The following ANXA13 variants were observed in gnomAD, a reference collection of about 807,000 sequenced individuals.
ANXA13 encodes annexin A13.
ANXA13 carries 36 observed loss-of-function variants against 46.6 expected under a neutral mutation model. The ratio of observed to expected loss-of-function variants is 0.77; its 90% CI spans 0.59 to 1.02. The LOEUF (loss-of-function observed/expected upper bound fraction) is 1.02. Among genes scored for constraint, ANXA13 ranks in the 50% least tolerant of loss-of-function variants. The pLI is 0.00. For missense variants in ANXA13, 417 were observed against 396.5 expected, an observed-to-expected ratio of 1.05 and a Z score of -0.44; for synonymous variants, 163 against 152.9, an observed-to-expected ratio of 1.07 and a Z score of -0.49.
At chr8:123,730,511 G>A (rs1418023902) in intron 1 of ANXA13, among the ~76,000 whole-genome samples, 3 of 152,062 alleles carry the variant, frequency 2.0e-5, no homozygotes, top group Admixed American at 6.5e-5. Flanking sequence ...CCTTAGTGTC[G>A]TAGGTTGAAC....
At chr8:123,713,071 A>G (rs903714002) in intron 1 of ANXA13, among the ~76,000 whole-genome samples, 1 of 152,224 alleles carries the variant, frequency 6.6e-6, no homozygotes, top group Non-Finnish European at 1.5e-5. Flanking sequence ...TGAAACAAAG[A>G]ATAATACTGT....
At chr8:123,696,087 T>C (rs10086861) in intron 4 of ANXA13, among the ~76,000 whole-genome samples, 21,796 of 152,132 alleles carry the variant, frequency 0.14, 2,464 homozygotes, top group African/African-American at 0.32. Flanking sequence ...GTTCAGTGCG[T>C]ATCAGAAAGA....
chr8:123,715,357 G>A (rs1293175686), intron 1 of ANXA13, among the ~76,000 whole-genome samples: 1 of 152,206 alleles, frequency 6.6e-6, no homozygotes, highest in East Asian at 1.9e-4. Flanking sequence ...TGTGGAAGTG[G>A]CAACTTCGAA....
chr8:123,693,878 T>G, intron 6 of ANXA13, 99 bp from the exon 7 acceptor site: 2 of 1,076,270 alleles, frequency 1.9e-6, no homozygotes, highest in Non-Finnish European at 2.8e-6. Context: ...AGGTGAATTC[T>G]TTCTCAGCTC....
At chr8:123,727,102 G>A (rs866041276) in intron 1 of ANXA13, among the ~76,000 whole-genome samples, 2 of 152,176 alleles carry the variant, frequency 1.3e-5, no homozygotes, top group East Asian at 1.9e-4. Context: ...AGGGTTCAGT[G>A]TATACTGCTC....
chr8:123,693,347 TGA>T, intron 7 of ANXA13, 49 bp from the exon 8 acceptor site: 1 of 1,547,568 alleles, frequency 6.5e-7, no homozygotes, highest in Non-Finnish European at 8.9e-7. Flanking sequence ...GTGAAAAGAC[TGA>T]TTATGCAGTG....
At chr8:123,688,669 A>T (rs1225883451) in intron 9 of ANXA13, among the ~76,000 whole-genome samples, 3 of 152,126 alleles carry the variant, frequency 2.0e-5, no homozygotes, top group Non-Finnish European at 4.4e-5. Context: ...CACCTTGGAC[A>T]TCTCAGCTTC....
At chr8:123,707,028 T>C (rs1813552090) in intron 2 of ANXA13, among the ~76,000 whole-genome samples, 1 of 152,244 alleles carries the variant, frequency 6.6e-6, no homozygotes, top group South Asian at 2.1e-4. Context: ...GTGTCTCTCA[T>C]GCTGCCTGCT....
Position 123,681,246 on chromosome 8 carries a change from C to T in ANXA13, c.945G>A (p.Leu315=), listed in dbSNP as rs770115414. 2 of 1,613,230 alleles carry T rather than the reference C, an allele frequency of 1.2e-6. No homozygotes were observed. Among genetic ancestry groups the T allele is most frequent in the South Asian group, 2.2e-5 (2 of 90,910 alleles). Residue 315 remains leucine, a synonymous_variant, in exon 11 of 11, where the codon TTG becomes TTA. Coordinates refer to ENST00000419625, the MANE Select transcript of ANXA13 (RefSeq NM_004306.4). The part of the protein sequence containing the change: ...GDFRKLLVAL[L]H Reference sequence around the variant, plus strand: ...CCTATTGCCCTGGCTTGGCTCAGTGCAAGAGGGCTACTAGCAGTTTCCGGA... The same window carrying T: ...CCTATTGCCCTGGCTTGGCTCAGTGTAAGAGGGCTACTAGCAGTTTCCGGA...
chr8:123,729,907 C>G (rs1047368570), intron 1 of ANXA13, among the ~76,000 whole-genome samples: 1 of 152,186 alleles, frequency 6.6e-6, no homozygotes, highest in Non-Finnish European at 1.5e-5. Context: ...CTCTATAGAT[C>G]CCCAAACCAA....
At chr8:123,701,013 A>C (rs1453941389) in intron 3 of ANXA13, among the ~76,000 whole-genome samples, 1 of 151,956 alleles carries the variant, frequency 6.6e-6, no homozygotes, top group African/African-American at 2.4e-5. Context: ...GTAGAGATGA[A>C]GGTCTCAACT....
chr8:123,734,519 G>T (rs1814204932), intron 1 of ANXA13, among the ~76,000 whole-genome samples: 1 of 151,810 alleles, frequency 6.6e-6, no homozygotes, highest in African/African-American at 2.4e-5. Flanking sequence ...CTAGGTCTTT[G>T]GTTCAAAAAA....
intron 1 of ANXA13, 73 bp from the exon 2 acceptor site, chr8:123,712,826 C>G: frequency 7.4e-7 from 1 of 1,355,488 alleles, no homozygotes; most frequent in Non-Finnish European, 1.0e-6. Context: ...AAATCGGTAG[C>G]AAACTGGAGG....
chr8:123,721,439 T>A (rs1813870221), intron 1 of ANXA13, among the ~76,000 whole-genome samples: 1 of 152,286 alleles, frequency 6.6e-6, no homozygotes, highest in African/African-American at 2.4e-5. Flanking sequence ...AGTACCCACC[T>A]CGTATGGGTT....
chr8:123,685,346 C>T (rs1813121223), intron 9 of ANXA13, among the ~76,000 whole-genome samples: 1 of 152,170 alleles, frequency 6.6e-6, no homozygotes. Flanking sequence ...TTCCCCTTGC[C>T]TTCCAGCTTT....
At chr8:123,708,198 G>A (rs1430317308) in intron 2 of ANXA13, among the ~76,000 whole-genome samples, 1 of 152,332 alleles carries the variant, frequency 6.6e-6, no homozygotes, top group East Asian at 1.9e-4. Flanking sequence ...TTAAAAATGA[G>A]AAAAGAAGGA....
chr8:123,692,111 T>C (rs1178468109), intron 8 of ANXA13, among the ~76,000 whole-genome samples: 4 of 152,222 alleles, frequency 2.6e-5, no homozygotes, highest in African/African-American at 9.6e-5. Context: ...CTTTATTGTC[T>C]TTTTATCTGC....
intron 1 of ANXA13, among the ~76,000 whole-genome samples, chr8:123,726,056 A>C (rs545413382): frequency 5.3e-5 from 8 of 152,346 alleles, no homozygotes; most frequent in Non-Finnish European, 1.0e-4. Flanking sequence ...ATCATTTAAC[A>C]ACTAAAACTA....
At chr8:123,685,991 G>A (rs995918450) in intron 9 of ANXA13, among the ~76,000 whole-genome samples, 1 of 152,164 alleles carries the variant, frequency 6.6e-6, no homozygotes, top group Admixed American at 6.5e-5. Flanking sequence ...TCTGCCTGAA[G>A]TCACCGTGTT....
Sources: allele counts gnomAD v4.1 joint callset (sites outside exome capture counted in the v4.1 genomes callset), GRCh38; gene constraint gnomAD v4.1.1; transcripts MANE v1.5; gene names NCBI Gene and HGNC (gene_info 2026-07-23, HGNC 2026-07-21).